The following CHST10 variants were observed in gnomAD, a reference collection of about 807,000 sequenced individuals.
The protein encoded by CHST10 is HNK-1 sulfotransferase.
In CHST10, 24 loss-of-function variants were observed where a neutral mutation model predicts 34.7. The observed-to-expected ratio is 0.69, with a 90% CI of 0.50 to 0.97. The LOEUF (loss-of-function observed/expected upper bound fraction) is 0.97, where lower values mean the gene tolerates loss of function less well. Ranked by LOEUF, CHST10 falls within the 50% of genes least tolerant of loss-of-function variation. CHST10 has a pLI of 0.00. For missense variants in CHST10, 402 were observed against 452.1 expected (o/e 0.89, Z 1.00); for synonymous variants, 161 against 169.3 (o/e 0.95, Z 0.38).
chr2:100,403,613 A>G (rs1426468394), intron 3 of CHST10, among the ~76,000 whole-genome samples: 1 of 152,148 alleles, frequency 6.6e-6, no homozygotes, highest in Non-Finnish European at 1.5e-5. Flanking sequence ...GAACATGCAC[A>G]CCACTGATGG....
chr2:100,407,411 T>C (rs574070895), intron 2 of CHST10, among the ~76,000 whole-genome samples: 1 of 152,298 alleles, frequency 6.6e-6, no homozygotes, highest in African/African-American at 2.4e-5. Flanking sequence ...CTGTCAGTTC[T>C]TGGCAGGTGA....
chr2:100,400,844 A>AT (rs1675306725), intron 4 of CHST10, among the ~76,000 whole-genome samples: 2 of 151,858 alleles, frequency 1.3e-5, no homozygotes, highest in South Asian at 2.1e-4. Context: ...ACACCTGGCT[A>AT]TTTTTTTGTA....
intron 4 of CHST10, among the ~76,000 whole-genome samples, chr2:100,398,736 G>A (rs1038274026): frequency 1.3e-5 from 2 of 152,118 alleles, no homozygotes; most frequent in African/African-American, 2.4e-5. Context: ...AAAAACCAAA[G>A]TAAGAAGTTT....
chr2:100,398,594 C>T (rs150307282), intron 4 of CHST10, among the ~76,000 whole-genome samples: 2,841 of 152,166 alleles, frequency 0.019, 95 homozygotes, highest in African/African-American at 0.063. Flanking sequence ...ATCCCAGCTA[C>T]TTAGGAGGCT....
chr2:100,403,428 T>C (rs540508755), intron 3 of CHST10, among the ~76,000 whole-genome samples: 5 of 152,288 alleles, frequency 3.3e-5, no homozygotes, highest in African/African-American at 1.2e-4. Context: ...GATACTGAAA[T>C]TTGCTAACTG....
intron 5 of CHST10, among the ~76,000 whole-genome samples, 191 bp downstream of exon 5, chr2:100,397,717 C>T (rs751722817): frequency 6.6e-6 from 1 of 152,172 alleles, no homozygotes; most frequent in Non-Finnish European, 1.5e-5. Context: ...GAATCGGTGT[C>T]TAAACGAGCC....
intron 4 of CHST10, among the ~76,000 whole-genome samples, chr2:100,398,670 A>T (rs1675190315): frequency 6.6e-6 from 1 of 152,166 alleles, no homozygotes; most frequent in South Asian, 2.1e-4. Context: ...GCACTACTGC[A>T]CTCCAGCCTG....
chr2:100,400,044 T>C (rs1675266266), intron 4 of CHST10, among the ~76,000 whole-genome samples: 1 of 152,198 alleles, frequency 6.6e-6, no homozygotes. Context: ...AAAGAGCCTC[T>C]CTGTCTTCTC....
chr2:100,404,020 T>C (rs757787176), intron 3 of CHST10, among the ~76,000 whole-genome samples: 17 of 152,204 alleles, frequency 1.1e-4, no homozygotes, highest in Non-Finnish European at 2.4e-4. Flanking sequence ...ATGCTCTTGA[T>C]GCTTCAGCCC....
At chr2:100,401,068 T>C (rs983317818) in intron 4 of CHST10, among the ~76,000 whole-genome samples, 3 of 152,230 alleles carry the variant, frequency 2.0e-5, no homozygotes, top group African/African-American at 7.2e-5. Context: ...AGTTTTGGTG[T>C]CACCTAACGG....
rs766638550 is a variant in CHST10 at position 100,398,110 on chromosome 2, G to A, written c.225C>T (p.Leu75=). ...GCTCCATGTAGACCAGGGGCTGAAC[G>A]AGCTGGCTGTCTGGAAGCTCCTTCC... ...PTGKELPDSQ[L]VQPLVYMERL... is the part of the protein sequence containing the mutation. The change falls in exon 5 of 7, where the codon CTC becomes CTT. Residue 75 remains leucine, a synonymous_variant. Transcript: ENST00000264249. The A allele has an allele frequency of 1.4e-5, 23 of 1,613,354 alleles. No homozygotes were observed. Among genetic ancestry groups the A allele is most frequent in the Non-Finnish European group, 1.7e-5 (20 of 1,179,758 alleles).
intron 4 of CHST10, among the ~76,000 whole-genome samples, chr2:100,400,917 G>T (rs1208849090): frequency 1.3e-5 from 2 of 151,924 alleles, no homozygotes; most frequent in African/African-American, 4.8e-5. Flanking sequence ...CTGACCTCAG[G>T]TGATCTGCCC....
At position 100,393,786 on chromosome 2, in the gene CHST10, A is replaced by T. The variant is rs766839235; in HGVS notation, c.534-4T>A. ...AAACTTGAAGTATGTTTTCAATCTA[A>T]GGAAAAAAACGAACAAGAGGTTAAC... On this transcript the variant is annotated splice_region_variant and splice_polypyrimidine_tract_variant and intron_variant, in intron 6 of 6. Transcript: ENST00000264249. 1.2e-6 allele frequency: 2 copies of T among 1,602,770 alleles called. No individual in the cohort carries two copies. Among genetic ancestry groups the T allele is most frequent in the Admixed American group, 3.3e-5 (2 of 59,816 alleles).
At chr2:100,413,112 TAA>T (rs1484012463) in intron 2 of CHST10, among the ~76,000 whole-genome samples, 1 of 152,188 alleles carries the variant, frequency 6.6e-6, no homozygotes, top group Non-Finnish European at 1.5e-5. Flanking sequence ...CGGCCTGACA[TAA>T]AGAGTCTTTC....
chr2:100,396,742 A>G (rs1675076613), intron 5 of CHST10, among the ~76,000 whole-genome samples: 2 of 152,196 alleles, frequency 1.3e-5, no homozygotes, highest in African/African-American at 4.8e-5. Flanking sequence ...GATAGCCACA[A>G]GGACCACCCG....
intron 2 of CHST10, among the ~76,000 whole-genome samples, chr2:100,407,025 C>T (rs565453524): frequency 1.3e-5 from 2 of 152,216 alleles, no homozygotes; most frequent in South Asian, 4.1e-4. Flanking sequence ...CCTGTTGGGC[C>T]CAGGCTAAGG....
intron 5 of CHST10, among the ~76,000 whole-genome samples, chr2:100,396,294 G>A (rs544989277): frequency 3.3e-5 from 5 of 152,354 alleles, no homozygotes; most frequent in Admixed American, 2.0e-4. Flanking sequence ...CTGTCATCAG[G>A]GACCAGTGCA....
chr2:100,411,121 T>C (rs180877553), intron 2 of CHST10, among the ~76,000 whole-genome samples: 2,622 of 149,198 alleles, frequency 0.018, 26 homozygotes, highest in African/African-American at 0.034. Flanking sequence ...TTTTTCTTTT[T>C]TTTTTTTTTT....
intron 6 of CHST10, 68 bp from the exon 7 acceptor site, chr2:100,393,850 G>T (rs1346167216): frequency 1.5e-6 from 2 of 1,335,700 alleles, no homozygotes; most frequent in Non-Finnish European, 2.1e-6. Flanking sequence ...GGGCGGGAGA[G>T]GGAAGAATGA....
Sources: gnomAD v4.1 joint callset for allele counts (sites outside exome capture counted in the v4.1 genomes callset) on GRCh38, gnomAD v4.1.1 for gene constraint, MANE v1.5 for transcripts, NCBI Gene and HGNC (gene_info 2026-07-23, HGNC 2026-07-21) for gene names.